The following PIK3CD variants were observed in gnomAD, a reference collection of about 807,000 sequenced individuals.
The protein encoded by PIK3CD is phosphatidylinositol-4,5-bisphosphate 3-kinase catalytic subunit delta.
PIK3CD carries 20 observed loss-of-function variants against 122.9 expected under a neutral mutation model. That is an observed-to-expected ratio of 0.16 (90% CI 0.11 to 0.24). PIK3CD has a LOEUF of 0.24. Among genes scored for constraint, PIK3CD ranks in the 10% least tolerant of loss-of-function variants. PIK3CD has a pLI of 1.00. For missense variants in PIK3CD, 787 were observed against 1,406.3 expected (o/e 0.56, Z 7.04); for synonymous variants, 596 against 593.4 (o/e 1.00, Z -0.06).
intron 1 of PIK3CD, among the ~76,000 whole-genome samples, chr1:9,688,886 CG>C (rs921567955): frequency 7.9e-5 from 12 of 152,026 alleles, no homozygotes; most frequent in Non-Finnish European, 1.6e-4. Context: ...AGGATTGTCT[CG>C]GTGTTGTTAC....
Position 9,720,783 on chromosome 1 carries a change from G to A in PIK3CD, c.1563G>A (p.Gly521=), listed in dbSNP as rs1648492682. The A allele has an allele frequency of 2.5e-6, 4 of 1,612,772 alleles. No individual in the cohort carries two copies. Among genetic ancestry groups the A allele is most frequent in the African/African-American group, 2.7e-5 (2 of 74,852 alleles). ...AAATCCTGGAGCGGCGGGGGTCTGG[G>A]GAGCTGTATGAGCACGAGAAGGACC... is the stretch of plus-strand genomic sequence containing the variant. ...LREILERRGS[G]ELYEHEKDLV... Residue 521 remains glycine (G), a synonymous_variant, in exon 13 of 24, where the codon GGG becomes GGA. Coordinates refer to ENST00000377346, the MANE Select transcript of PIK3CD (RefSeq NM_005026.5). This position sits in a 1 kb window ranked among gnomAD's most constrained non-coding sequence, Gnocchi z 9.0.
intron 1 of PIK3CD, among the ~76,000 whole-genome samples, chr1:9,690,031 G>A (rs1008667488): frequency 1.3e-5 from 2 of 152,182 alleles, no homozygotes; most frequent in Non-Finnish European, 2.9e-5. Context: ...GATCCGTGAG[G>A]CCTCCAGCGG....
rs796460801 is a variant in PIK3CD, at chr1:9,710,005, C to CA, written c.-32-406dup. 0.024 allele frequency among the ~76,000 whole-genome samples: 3,086 copies of CA among 129,902 alleles called. 93 individuals are homozygous for CA. Among genetic ancestry groups the CA allele is most frequent in the African/African-American group, 0.075 (2,645 of 35,432 alleles). The allele number at this position is 129,902 out of a possible 152,430, so 85.2% of individuals were successfully genotyped here. On this transcript the variant is annotated intron_variant, in intron 2 of 23. Coordinates refer to ENST00000377346, the MANE Select transcript of PIK3CD (RefSeq NM_005026.5). The surrounding 1 kb of genome is among the most constrained non-coding windows in gnomAD (Gnocchi z 4.7). Reference sequence around the variant, plus strand: ...TGGGTGACAGAGCAAGACTCCGGCTCAAAAAAAAAAAAAGAATGTATTTCA... The same window carrying CA: ...TGGGTGACAGAGCAAGACTCCGGCTCAAAAAAAAAAAAAAGAATGTATTTCA...
the PIK3CD span, among the ~76,000 whole-genome samples, chr1:9,629,775 A>G: frequency 6.6e-6 from 1 of 151,866 alleles, no homozygotes; most frequent in African/African-American, 2.4e-5. Flanking sequence ...AGGCTCCCCC[A>G]CCCCTGCAGT....
At chr1:9,643,985 T>C in the PIK3CD span, among the ~76,000 whole-genome samples, 2 of 152,180 alleles carry the variant, frequency 1.3e-5, no homozygotes, top group African/African-American at 2.4e-5. Flanking sequence ...TGGAGTCCCT[T>C]GTGCAGGGGC....
At chr1:9,661,778 C>T (rs1645015869) in intron 1 of PIK3CD, among the ~76,000 whole-genome samples, 1 of 152,114 alleles carries the variant, frequency 6.6e-6, no homozygotes, top group South Asian at 2.1e-4. Context: ...GGACGGATCA[C>T]GAGGTTAAGA....
At chr1:9,646,627 T>C in the PIK3CD span, among the ~76,000 whole-genome samples, 1 of 152,288 alleles carries the variant, frequency 6.6e-6, no homozygotes, top group East Asian at 1.9e-4. Flanking sequence ...TCCAGTAAAG[T>C]AGAATTTATG....
rs1313574167 is a variant in PIK3CD at position 9,720,041 on chromosome 1, A to G, written c.1339+24A>G. 6.2e-7 allele frequency: 1 copy of G among 1,613,300 alleles called. No homozygotes were observed. The highest frequency in any genetic ancestry group is 1.7e-5 in the Admixed American group (1 of 60,014). ...AGGTCGGCCCAGGCCCAGGAGGGAG[A>G]GGCGTTGGGAGTGTGAGGGTCCCAG... is the stretch of plus-strand genomic sequence containing the variant. On this transcript the variant is annotated intron_variant, in intron 10 of 23. Coordinates refer to ENST00000377346, the MANE Select transcript of PIK3CD (RefSeq NM_005026.5). The surrounding 1 kb of genome is among the most constrained non-coding windows in gnomAD (Gnocchi z 9.0).
chr1:9,696,362 G>A (rs1287606642), intron 2 of PIK3CD, among the ~76,000 whole-genome samples: 1 of 152,076 alleles, frequency 6.6e-6, no homozygotes, highest in South Asian at 2.1e-4. Flanking sequence ...CAAGGCAGGA[G>A]GATCACTTGA....
chr1:9,688,280 C>G (rs1646049431), intron 1 of PIK3CD: 1 of 152,386 alleles, frequency 6.6e-6, no homozygotes, highest in Non-Finnish European at 1.5e-5. Flanking sequence ...GTGCTCGCAC[C>G]CCGCTTCCTC....
At chr1:9,682,160 C>T (rs1388012910) in intron 1 of PIK3CD, among the ~76,000 whole-genome samples, 3 of 151,614 alleles carry the variant, frequency 2.0e-5, no homozygotes, top group African/African-American at 4.9e-5. Flanking sequence ...TGAGCTCAAG[C>T]GATCTGCCTG....
At chr1:9,686,614 A>G (rs1557623442) in intron 1 of PIK3CD, among the ~76,000 whole-genome samples, 1 of 152,190 alleles carries the variant, frequency 6.6e-6, no homozygotes, top group Non-Finnish European at 1.5e-5. Context: ...CTGGCCTCCC[A>G]AAGTGCTGGG....
chr1:9,721,525 A>G lies in PIK3CD; in HGVS notation c.1893A>G (p.Lys631=). The G allele has an allele frequency of 6.2e-7, 1 of 1,613,722 alleles. No individual in the cohort carries two copies. The highest frequency in any genetic ancestry group is 8.5e-7 in the Non-Finnish European group (1 of 1,179,976). ...YESYLDCELT[K]FLLDRALANR... is the part of the protein sequence containing the mutation. The stretch of plus-strand genomic sequence containing the variant: ...CCTACCTGGACTGCGAGCTGACCAA[A>G]TTCCTGCTGGACCGGGCCCTGGCCA... The change falls in exon 15 of 24, where the codon AAA becomes AAG. Residue 631 remains lysine (K), a synonymous_variant. Coordinates refer to ENST00000377346, the MANE Select transcript of PIK3CD (RefSeq NM_005026.5).
chr1:9,631,091 C>A, the PIK3CD span, among the ~76,000 whole-genome samples: 1 of 152,110 alleles, frequency 6.6e-6, no homozygotes, highest in East Asian at 1.9e-4. Context: ...CTTATCAGAC[C>A]CAGAGTTGCA....
chr1:9,648,239 T>A (rs1056011900), upstream of PIK3CD, among the ~76,000 whole-genome samples: 1 of 152,192 alleles, frequency 6.6e-6, no homozygotes, highest in Non-Finnish European at 1.5e-5. Context: ...CTGGTTTCCT[T>A]CATGGGGATC....
the PIK3CD span, among the ~76,000 whole-genome samples, chr1:9,628,059 T>C: frequency 4.7e-3 from 707 of 150,836 alleles, 4 homozygotes; most frequent in African/African-American, 0.016. Flanking sequence ...TCCCAGCACT[T>C]TGGGAGGCTG....
chr1:9,714,027 T>A (rs982400200), intron 3 of PIK3CD, among the ~76,000 whole-genome samples: 1 of 151,994 alleles, frequency 6.6e-6, no homozygotes. Context: ...TAATTTTTTA[T>A]TTTTTGTAGA....
intron 1 of PIK3CD, among the ~76,000 whole-genome samples, chr1:9,680,333 T>C (rs929799952): frequency 6.6e-6 from 1 of 152,068 alleles, no homozygotes. Flanking sequence ...AATTTTAAGC[T>C]GTGCATGGTG....
the PIK3CD span, among the ~76,000 whole-genome samples, chr1:9,636,877 G>T: frequency 6.8e-6 from 1 of 147,904 alleles, no homozygotes; most frequent in Non-Finnish European, 1.5e-5. Context: ...CTATGGCATG[G>T]TTTCTTTTTT....
Sources: allele counts gnomAD v4.1 joint callset (sites outside exome capture counted in the v4.1 genomes callset), GRCh38; gene constraint gnomAD v4.1.1; non-coding constraint Gnocchi (gnomAD v3.1); transcripts MANE v1.5; gene names NCBI Gene and HGNC (gene_info 2026-07-23, HGNC 2026-07-21).